YLPM1: variants seen among roughly 807,000 people sequenced by gnomAD.
YLPM1 encodes the protein YLP motif-containing protein 1.
A neutral mutation model predicts 230.0 loss-of-function variants in YLPM1; 99 were observed. The observed-to-expected ratio is 0.43, with a 90% confidence interval of 0.37 to 0.51. YLPM1 has a LOEUF of 0.51. Ranked by LOEUF, YLPM1 falls within the 20% of genes least tolerant of loss-of-function variation. The pLI is 0.00. For synonymous variants in YLPM1, 984 were observed against 942.5 expected, an observed-to-expected ratio of 1.04 and a Z score of -0.81; for missense variants, 2,592 against 2,707.7, an observed-to-expected ratio of 0.96 and a Z score of 0.95.
chr14:74,783,636 A>G (rs944852904), intron 4 of YLPM1, among the ~76,000 whole-genome samples: 5 of 152,200 alleles, frequency 3.3e-5, no homozygotes, highest in African/African-American at 1.2e-4. Flanking sequence ...CAGTGGATCT[A>G]CATCATCATT....
At chr14:74,804,457 A>C (rs1413657289) in intron 6 of YLPM1, among the ~76,000 whole-genome samples, 1 of 152,186 alleles carries the variant, frequency 6.6e-6, no homozygotes, top group Non-Finnish European at 1.5e-5. Context: ...TTCCCTCCAC[A>C]TAGAGCTACT....
Position 74,816,273 on chromosome 14 carries a change from TG to T in YLPM1, c.5565+12del. 1 of 1,610,060 alleles carries T rather than the reference TG, an allele frequency of 6.2e-7. No individual in the cohort carries two copies. Among genetic ancestry groups the T allele is most frequent in the Non-Finnish European group, 8.5e-7 (1 of 1,178,158 alleles). Reference sequence around the variant, plus strand: ...GTTGCAAAACTTATTCGAGTGAGTATGGGGAAGCTGAAAAATCAGCTGCTTG... The same window carrying T: ...GTTGCAAAACTTATTCGAGTGAGTATGGGAAGCTGAAAAATCAGCTGCTTG... On this transcript the variant is annotated intron_variant, in intron 12 of 20. Coordinates refer to ENST00000325680, the MANE Select transcript of YLPM1 (RefSeq NM_019589.3).
intron 2 of YLPM1, among the ~76,000 whole-genome samples, chr14:74,780,013 A>C (rs2091077833): frequency 6.6e-6 from 1 of 152,140 alleles, no homozygotes; most frequent in South Asian, 2.1e-4. Context: ...CATGTTGACC[A>C]GGCTGGTCTT....
intron 16 of YLPM1, 90 bp downstream of exon 16, chr14:74,818,404 T>A (rs1484752548): frequency 2.8e-6 from 3 of 1,060,474 alleles, no homozygotes; most frequent in Non-Finnish European, 4.0e-6. Context: ...AGAAAAGTTA[T>A]ATGAATAGTA....
intron 4 of YLPM1, among the ~76,000 whole-genome samples, chr14:74,792,203 CCTT>C (rs145513692): frequency 0.01 from 1,552 of 152,294 alleles, 29 homozygotes; most frequent in African/African-American, 0.035. Context: ...TTTCTGGTCA[CCTT>C]CTTTCGCCTT....
chr14:74,764,392 T>C, intron 1 of YLPM1, 30 bp downstream of exon 1: 5 of 1,561,938 alleles, frequency 3.2e-6, no homozygotes, highest in Non-Finnish European at 3.5e-6. Context: ...AACCTCATCT[T>C]TCACCTAGAG....
intron 16 of YLPM1, among the ~76,000 whole-genome samples, chr14:74,820,490 C>G (rs2140137440): frequency 6.6e-6 from 1 of 152,230 alleles, no homozygotes; most frequent in Middle Eastern, 3.4e-3. Context: ...TCAAGCGATC[C>G]TCCTGCCCCA....
rs1468092133 is a variant in YLPM1, at chr14:74,835,793, G to A, written c.*55G>A. 2.2e-6 allele frequency: 1 copy of A among 456,130 alleles called. No individual in the cohort carries two copies. The highest frequency in any genetic ancestry group is 2.4e-5 in the Admixed American group (1 of 42,088). The allele number at this position is 456,130 out of a possible 1,614,324, so 28.3% of individuals were successfully genotyped here. A position where few individuals can be genotyped will look rare whatever the true frequency, so the allele number is the denominator to read the frequency against. On this transcript the variant is annotated 3_prime_UTR_variant, in exon 21 of 21. Coordinates refer to ENST00000325680, the MANE Select transcript of YLPM1 (RefSeq NM_019589.3). ...TTTCCAGGTGGTTCGCTTTGAGGTG[G>A]TCTGAAGCCAAGGCCTCGCGGAGCT...
intron 1 of YLPM1, among the ~76,000 whole-genome samples, chr14:74,777,355 C>T (rs1390482735): frequency 1.3e-5 from 2 of 151,664 alleles, no homozygotes; most frequent in Non-Finnish European, 2.9e-5. Context: ...CACCTGAGGT[C>T]AGGAGTTCGA....
chr14:74,805,519 A>C (rs1377056046), intron 6 of YLPM1, among the ~76,000 whole-genome samples: 3 of 150,928 alleles, frequency 2.0e-5, no homozygotes, highest in Non-Finnish European at 4.4e-5. Flanking sequence ...ATAATAAAAA[A>C]AAAAAATTGT....
At chr14:74,835,600 A>G (rs1412063668) in intron 20 of YLPM1, among the ~76,000 whole-genome samples, 153 bp downstream of exon 20, 2 of 152,220 alleles carry the variant, frequency 1.3e-5, no homozygotes, top group African/African-American at 2.4e-5. Context: ...AACATTTACA[A>G]TACTATTAGA....
rs1412344336 is a variant in YLPM1 at position 74,816,277 on chromosome 14, G to A, written c.5565+12G>A. Reference sequence around the variant, plus strand: ...CAAAACTTATTCGAGTGAGTATGGGGAAGCTGAAAAATCAGCTGCTTGTGC... The same window carrying A: ...CAAAACTTATTCGAGTGAGTATGGGAAAGCTGAAAAATCAGCTGCTTGTGC... On this transcript the variant is annotated intron_variant, in intron 12 of 20. Coordinates refer to ENST00000325680, the MANE Select transcript of YLPM1 (RefSeq NM_019589.3). 2.5e-6 allele frequency: 4 copies of A among 1,609,356 alleles called. No homozygotes were observed. The highest frequency in any genetic ancestry group is 2.2e-5 in the East Asian group (1 of 44,762).
chr14:74,827,664 C>T lies in YLPM1; in HGVS notation c.6164-1549C>T, dbSNP rs557414295. ...GAAGTATGTTAATGTCAAAGTTGAT[C>T]GTATTAAGTTTGGAAATCCTTTGAG... On this transcript the variant is annotated intron_variant, in intron 18 of 20. Transcript: ENST00000325680. The T allele has an allele frequency of 1.0e-5, 10 of 985,284 alleles. No homozygotes were observed. In the South Asian group the frequency reaches 1.4e-4, roughly 14 times the overall value. 61.0% of individuals were successfully genotyped at this position (985,284 alleles called of 1,614,324 possible).
chr14:74,799,032 G>C lies in YLPM1; in HGVS notation c.3735G>C (p.Glu1245Asp), dbSNP rs544738493. ...ATACACTAGAGCTCTATAACAGAGAGGACAGGTTCTCAGCACCACCATCTC... is the reference window on the plus strand; with the variant it reads ...ATACACTAGAGCTCTATAACAGAGACGACAGGTTCTCAGCACCACCATCTC... ...QDDTLELYNR[E>D]DRFSAPPSRS... Residue 1245 changes from glutamate to aspartate, a missense_variant, in exon 5 of 21, where the codon GAG (glutamate) becomes GAC (aspartate). Transcript: ENST00000325680. The C allele has an allele frequency of 6.2e-7, 1 of 1,613,940 alleles. No homozygotes were observed. Among genetic ancestry groups the C allele is most frequent in the South Asian group, 1.1e-5 (1 of 91,066 alleles).
chr14:74,811,025 C>G (rs1338927415), intron 9 of YLPM1, among the ~76,000 whole-genome samples: 1 of 151,886 alleles, frequency 6.6e-6, no homozygotes, highest in East Asian at 1.9e-4. Context: ...TGTGGTTTCA[C>G]CATGTTGCCC....
chr14:74,813,494 ACT>A (rs1297928541), intron 11 of YLPM1, among the ~76,000 whole-genome samples: 1 of 149,964 alleles, frequency 6.7e-6, no homozygotes. Flanking sequence ...CTCCCTAATC[ACT>A]CTAGAAATTC....
At position 74,812,835 on chromosome 14, in the gene YLPM1, T is replaced by C. The variant is rs2091447027; in HGVS notation, c.5502+53T>C. 3.9e-6 allele frequency: 6 copies of C among 1,553,292 alleles called. No homozygotes were observed. The South Asian group carries it at 6.1e-5, about 16-fold the overall frequency. ...CGTGCAAACCAGAAGATAAGAGATC[T>C]TGTTAATATCCTGAAAAGAATTTCT... On this transcript the variant is annotated intron_variant, in intron 11 of 20. Coordinates refer to ENST00000325680, the MANE Select transcript of YLPM1 (RefSeq NM_019589.3).
At chr14:74,792,375 CAT>C (rs1349621438) in intron 4 of YLPM1, among the ~76,000 whole-genome samples, 1 of 152,142 alleles carries the variant, frequency 6.6e-6, no homozygotes, top group Non-Finnish European at 1.5e-5. Flanking sequence ...CCCAGTAAAA[CAT>C]CTCACTTCTA....
chr14:74,770,107 G>C (rs937540384), intron 1 of YLPM1, among the ~76,000 whole-genome samples: 1 of 151,732 alleles, frequency 6.6e-6, no homozygotes, highest in Non-Finnish European at 1.5e-5. Context: ...GTGTGAACCC[G>C]GGAGGCGGAG....
Sources: allele counts gnomAD v4.1 joint callset (sites outside exome capture counted in the v4.1 genomes callset), GRCh38; gene constraint gnomAD v4.1.1; transcripts MANE v1.5; gene names NCBI Gene and HGNC (gene_info 2026-07-23, HGNC 2026-07-21).